The following GLIS3 variants were observed in gnomAD, a reference collection of about 807,000 sequenced individuals.
GLIS3 encodes the protein GLIS family zinc finger 3.
In GLIS3, 53 loss-of-function variants were observed where a neutral mutation model predicts 78.6. The ratio of observed to expected loss-of-function variants is 0.67; its 90% CI spans 0.54 to 0.85. The LOEUF (loss-of-function observed/expected upper bound fraction) is 0.85. Ranked by LOEUF, GLIS3 falls within the 40% of genes least tolerant of loss-of-function variation. GLIS3 has a pLI of 0.00. For synonymous variants in GLIS3, 684 were observed against 509.9 expected (o/e 1.34, Z -4.60); for missense variants, 1,703 against 1,231.1 (o/e 1.38, Z -5.74).
At chr9:4,273,790 C>A (rs767130914) in intron 2 of GLIS3, among the ~76,000 whole-genome samples, 5 of 152,118 alleles carry the variant, frequency 3.3e-5, no homozygotes, top group Non-Finnish European at 5.9e-5. Context: ...TCACTCTCCT[C>A]CCTACCCAAG....
At chr9:4,036,793 G>A (rs1824351646) in intron 4 of GLIS3, among the ~76,000 whole-genome samples, 1 of 152,164 alleles carries the variant, frequency 6.6e-6, no homozygotes, top group African/African-American at 2.4e-5. Context: ...ATACCAGGAG[G>A]AACTTCAGGA....
At chr9:3,833,576 C>T (rs1356093249) in intron 9 of GLIS3, among the ~76,000 whole-genome samples, 1 of 152,152 alleles carries the variant, frequency 6.6e-6, no homozygotes, top group East Asian at 1.9e-4. Flanking sequence ...GTCCGTCAGT[C>T]AATAGTGGCT....
chr9:3,866,168 A>G (rs970469984), intron 8 of GLIS3, among the ~76,000 whole-genome samples: 1 of 152,222 alleles, frequency 6.6e-6, no homozygotes, highest in African/African-American at 2.4e-5. Flanking sequence ...TTCTCCTATC[A>G]GCACTGAGAG....
the GLIS3 span, among the ~76,000 whole-genome samples, chr9:4,468,334 C>A: frequency 1.1e-4 from 17 of 152,238 alleles, no homozygotes; most frequent in African/African-American, 4.1e-4. Flanking sequence ...ACATAATTGT[C>A]AGATTCACCA....
the GLIS3 span, among the ~76,000 whole-genome samples, chr9:4,473,304 A>C: frequency 6.6e-6 from 1 of 151,946 alleles, no homozygotes; most frequent in East Asian, 1.9e-4. Flanking sequence ...AAAGTAGCTG[A>C]GCATGATGGT....
chr9:4,053,102 C>A (rs1219696482), intron 4 of GLIS3, among the ~76,000 whole-genome samples: 2 of 152,148 alleles, frequency 1.3e-5, no homozygotes, highest in East Asian at 1.9e-4. Flanking sequence ...CGCACACCCC[C>A]ACATCTGGCT....
intron 4 of GLIS3, among the ~76,000 whole-genome samples, chr9:4,106,324 A>C (rs1048589896): frequency 6.6e-5 from 10 of 151,914 alleles, no homozygotes; most frequent in African/African-American, 2.4e-4. Context: ...ATTTTTTTTT[A>C]TTGTCGCTCC....
intron 2 of GLIS3, among the ~76,000 whole-genome samples, chr9:4,180,990 C>G (rs1817270850): frequency 6.6e-6 from 1 of 152,188 alleles, no homozygotes; most frequent in Non-Finnish European, 1.5e-5. Flanking sequence ...AAGGGGCTAA[C>G]AAATGCCCTT....
chr9:4,461,038 G>A, the GLIS3 span, among the ~76,000 whole-genome samples: 1 of 152,104 alleles, frequency 6.6e-6, no homozygotes, highest in African/African-American at 2.4e-5. Context: ...TTTTTTCTGG[G>A]AGTTGGAGAT....
intron 2 of GLIS3, among the ~76,000 whole-genome samples, chr9:4,172,563 G>T (rs560942903): frequency 1.2e-4 from 18 of 152,200 alleles, no homozygotes; most frequent in African/African-American, 3.9e-4. Context: ...TCTGGACCTG[G>T]GTTTTGGTAG....
intron 4 of GLIS3, among the ~76,000 whole-genome samples, chr9:4,108,305 T>C (rs1230838429): frequency 6.6e-6 from 1 of 152,174 alleles, no homozygotes. Context: ...CCATTATATA[T>C]ATGAATTTCT....
At chr9:3,922,733 A>T (rs1010783707) in intron 6 of GLIS3, among the ~76,000 whole-genome samples, 3 of 152,194 alleles carry the variant, frequency 2.0e-5, no homozygotes, top group African/African-American at 7.2e-5. Context: ...TGATTATAAA[A>T]GTATGCTTTG....
intron 2 of GLIS3, among the ~76,000 whole-genome samples, chr9:4,258,501 C>A (rs1305052538): frequency 6.6e-6 from 1 of 152,128 alleles, no homozygotes; most frequent in African/African-American, 2.4e-5. Context: ...TTCCTATTAT[C>A]TTTGCAACTT....
intron 8 of GLIS3, among the ~76,000 whole-genome samples, chr9:3,869,264 A>AGG (rs1376211443): frequency 0.011 from 268 of 24,538 alleles, 2 homozygotes; most frequent in South Asian, 0.089. Context: ...AAAATTATCT[A>AGG]GGGTGTGTGT....
In GLIS3 at chr9:4,299,545, G is replaced by A. The variant is rs746014906; in HGVS notation, c.-223C>T. The A allele has an allele frequency of 1.9e-4, 29 of 152,594 alleles. No homozygotes were observed. Among genetic ancestry groups the A allele is most frequent in the Non-Finnish European group, 3.5e-4 (24 of 68,036 alleles). The allele number at this position is 152,594 out of a possible 1,614,324, so 9.5% of individuals were successfully genotyped here. On this transcript the variant is annotated 5_prime_UTR_variant, in exon 1 of 11. Transcript: ENST00000381971. ...ACTTGGGGCTCCAGCCCTTCAGAGCGCTCCGCGGGCTGTGCCTCCTTCGGA... is the reference window on the plus strand; with the variant it reads ...ACTTGGGGCTCCAGCCCTTCAGAGCACTCCGCGGGCTGTGCCTCCTTCGGA...
intron 2 of GLIS3, among the ~76,000 whole-genome samples, chr9:4,190,797 C>T (rs573964539): frequency 1.3e-5 from 2 of 152,200 alleles, no homozygotes; most frequent in African/African-American, 4.8e-5. Context: ...GGTTGGGTTA[C>T]CCACAAAGGA....
At chr9:3,879,663 GC>G in intron 7 of GLIS3, 68 bp from the exon 8 acceptor site, 1 of 1,539,072 alleles carries the variant, frequency 6.5e-7, no homozygotes, top group Non-Finnish European at 8.9e-7. Flanking sequence ...AAATACCGAA[GC>G]CTGACAGCAA....
At chr9:4,111,791 G>C (rs1934661) in intron 4 of GLIS3, among the ~76,000 whole-genome samples, 37,397 of 152,070 alleles carry the variant, frequency 0.25, 5,313 homozygotes, top group South Asian at 0.39. Flanking sequence ...CTGACAGACC[G>C]ATGCCTTGTG....
chr9:4,112,595 G>C lies in GLIS3; in HGVS notation c.1710+5173C>G, dbSNP rs1320534706. On this transcript the variant is annotated intron_variant, in intron 4 of 10. Transcript: ENST00000381971. ...GGTACTTCGGATGATTCCAGTGTCA[G>C]CCAGGGTTAAGAACTACAGCCTCAG... Among the ~76,000 whole-genome samples, 5 of 152,248 alleles carry C rather than the reference G, an allele frequency of 3.3e-5. No homozygotes were observed. In the East Asian group the frequency reaches 7.7e-4, roughly 24 times the overall value.
Sources: gnomAD v4.1 joint callset for allele counts (sites outside exome capture counted in the v4.1 genomes callset) on GRCh38, gnomAD v4.1.1 for gene constraint, MANE v1.5 for transcripts, NCBI Gene and HGNC (gene_info 2026-07-23, HGNC 2026-07-21) for gene names.